The following CUL3 variants were observed in gnomAD, a reference collection of about 807,000 sequenced individuals.
CUL3 encodes cullin 3.
CUL3 carries 19 observed loss-of-function variants against 89.1 expected under a neutral mutation model. The ratio of observed to expected loss-of-function variants is 0.21; its 90% CI spans 0.15 to 0.31. The LOEUF is 0.31. Ranked by LOEUF, CUL3 falls within the 10% of genes least tolerant of loss-of-function variation. CUL3 has a pLI of 1.00. For synonymous variants in CUL3, 351 were observed against 308.4 expected, an observed-to-expected ratio of 1.14 and a Z score of -1.45; for missense variants, 469 against 942.3, an observed-to-expected ratio of 0.50 and a Z score of 6.58.
In CUL3 at chr2:224,506,071, C is replaced by T. The variant is rs760276064; in HGVS notation, c.1091G>A (p.Arg364His). Residue 364 changes from arginine (R) to histidine (H), a missense_variant, in exon 8 of 16, where the codon CGT (arginine) becomes CAT (histidine). Physicochemically the swap from Arg to His is conservative, Grantham distance 29 (BLOSUM62 0). Transcript: ENST00000264414. Reference protein sequence around the residue: ...RFLLESFNNDRLFKQTIAGDF... With the variant: ...RFLLESFNNDHLFKQTIAGDF... ...ACCCGCAATAGTTTGTTTAAAGAGA[C>T]GGTCATTGTTGAATGATTCCAGGAG... 5.0e-6 allele frequency: 8 copies of T among 1,612,496 alleles called. No homozygotes were observed. Among genetic ancestry groups the T allele is most frequent in the Admixed American group, 1.7e-5 (1 of 59,938 alleles).
At chr2:224,563,334 T>C in intron 1 of CUL3, 2 of 463,836 alleles carry the variant, frequency 4.3e-6, no homozygotes, top group Non-Finnish European at 4.4e-6. Context: ...TCTCTATGTA[T>C]TTTCATTCAT....
chr2:224,584,616 G>A (rs1457308836), intron 1 of CUL3, among the ~76,000 whole-genome samples: 1 of 151,822 alleles, frequency 6.6e-6, no homozygotes, highest in Non-Finnish European at 1.5e-5. Flanking sequence ...CCGGAGACTG[G>A]GCCTACAACC....
chr2:224,489,482 CGAGTGAACTCCCGTTCACAATTACTACA>C (rs1196900147), intron 13 of CUL3, among the ~76,000 whole-genome samples: 1 of 152,118 alleles, frequency 6.6e-6, no homozygotes, highest in Non-Finnish European at 1.5e-5. Flanking sequence ...AGCCAAATCA[CGAGTGAACTCCCGTTCACAATTACTACA>C]AAGAGAATAA....
chr2:224,511,045 AG>A (rs766885712), intron 6 of CUL3, among the ~76,000 whole-genome samples: 1 of 152,174 alleles, frequency 6.6e-6, no homozygotes, highest in Non-Finnish European at 1.5e-5. Context: ...TTTGGTATAC[AG>A]GAAGTACAGG....
chr2:224,549,354 T>C (rs1348459808), intron 2 of CUL3, among the ~76,000 whole-genome samples: 1 of 152,056 alleles, frequency 6.6e-6, no homozygotes, highest in African/African-American at 2.4e-5. Flanking sequence ...ATTGAAACAT[T>C]TTTATTCAAA....
chr2:224,544,195 C>G (rs557165150), intron 2 of CUL3, among the ~76,000 whole-genome samples: 2 of 152,210 alleles, frequency 1.3e-5, no homozygotes, highest in Non-Finnish European at 1.5e-5. Flanking sequence ...CCTTACTTAG[C>G]ACCACTGCAG....
chr2:224,514,909 G>C, intron 3 of CUL3, 137 bp from the exon 4 acceptor site: 1 of 592,960 alleles, frequency 1.7e-6, no homozygotes, highest in Non-Finnish European at 2.8e-6. Flanking sequence ...ATGATCTTAA[G>C]CAATGTGCAA....
intron 1 of CUL3, among the ~76,000 whole-genome samples, chr2:224,570,084 T>C (rs551328319): frequency 1.3e-5 from 2 of 151,964 alleles, no homozygotes; most frequent in South Asian, 2.1e-4. Context: ...CACCTCACAG[T>C]AGATAAGGTC....
At chr2:224,501,115 A>G (rs772226249) in intron 10 of CUL3, among the ~76,000 whole-genome samples, 1 of 152,204 alleles carries the variant, frequency 6.6e-6, no homozygotes. Context: ...ATAAAAGGTC[A>G]AGGAGGGTCA....
rs115009366 is a variant in CUL3, at chr2:224,538,388, A to G, written c.265-2747T>C. Among the ~76,000 whole-genome samples, 929 of 152,348 alleles carry G rather than the reference A, an allele frequency of 6.1e-3. 10 individuals carry two copies. The highest frequency in any genetic ancestry group is 0.022 in the African/African-American group (904 of 41,578). ...CTTTTAAAAAGATGGTTAAGTTGGC[A>G]CATAAACTACACATTAAGTGAAAAA... On this transcript the variant is annotated intron_variant, in intron 2 of 15. Transcript: ENST00000264414.
In CUL3 at chr2:224,472,620, T is replaced by C. The variant is rs1035756960; in HGVS notation, c.*1625A>G. ...TTTCATTGGCATCTTAATTGCATCA[T>C]GTAGAAGTGGAAAATGTAGAGATAA... On this transcript the variant is annotated 3_prime_UTR_variant, in exon 16 of 16. Coordinates refer to ENST00000264414, the MANE Select transcript of CUL3 (RefSeq NM_003590.5). 3 of 189,388 alleles carry C rather than the reference T, an allele frequency of 1.6e-5. No homozygotes were observed. Among genetic ancestry groups the C allele is most frequent in the East Asian group, 8.5e-5 (1 of 11,768 alleles). The allele number at this position is 189,388 out of a possible 1,614,324, so 11.7% of individuals were successfully genotyped here. A position where few individuals can be genotyped will look rare whatever the true frequency, so the allele number is the denominator to read the frequency against.
At position 224,471,321 on chromosome 2, in the gene CUL3, CTAGT is replaced by C. The variant is rs1691122152; in HGVS notation, c.*2920_*2923del. On this transcript the variant is annotated 3_prime_UTR_variant, in exon 16 of 16. Coordinates refer to ENST00000264414, the MANE Select transcript of CUL3 (RefSeq NM_003590.5). ...CAGGCAAAGATAAAAATCTTTAACA[CTAGT>C]TACTGAAAATGAGTATCTTAAACTG... The C allele has an allele frequency of 4.9e-6, 1 of 203,396 alleles. No homozygotes were observed. The highest frequency in any genetic ancestry group is 1.0e-5 in the Non-Finnish European group (1 of 99,152). 12.6% of individuals were successfully genotyped at this position (203,396 alleles called of 1,614,324 possible).
chr2:224,546,544 T>C (rs1694308357), intron 2 of CUL3, among the ~76,000 whole-genome samples: 1 of 152,060 alleles, frequency 6.6e-6, no homozygotes, highest in South Asian at 2.1e-4. Context: ...AAGATTCATT[T>C]CAACAGACAA....
Position 224,513,643 on chromosome 2 carries a change from C to G in CUL3, c.540-5G>C, listed in dbSNP as rs747752633. The G allele has an allele frequency of 2.6e-6, 4 of 1,550,106 alleles. No individual in the cohort carries two copies. The highest frequency in any genetic ancestry group is 3.5e-6 in the Non-Finnish European group (4 of 1,151,470). Reference sequence around the variant, plus strand: ...CAAGCATTTCTTATTGCGCCTCTGTCGAAAAAAGTTATTATCACTTGATAA... The same window carrying G: ...CAAGCATTTCTTATTGCGCCTCTGTGGAAAAAAGTTATTATCACTTGATAA... On this transcript the variant is annotated splice_polypyrimidine_tract_variant and splice_region_variant and intron_variant, in intron 4 of 15. Coordinates refer to ENST00000264414, the MANE Select transcript of CUL3 (RefSeq NM_003590.5).
rs1233081917 is a variant in CUL3, at chr2:224,495,755, T to C, written c.1842+77A>G. Reference sequence around the variant, plus strand: ...ACCCAAAGAGACTCTCTAAAGGTTATTCAAATAAGAAAGACTCAAGTAACA... The same window carrying C: ...ACCCAAAGAGACTCTCTAAAGGTTACTCAAATAAGAAAGACTCAAGTAACA... On this transcript the variant is annotated intron_variant, in intron 13 of 15. Transcript: ENST00000264414. 4.7e-6 allele frequency: 6 copies of C among 1,272,510 alleles called. No homozygotes were observed. The East Asian group carries it at 1.4e-4, about 30-fold the overall frequency. The allele number at this position is 1,272,510 out of a possible 1,614,324, so 78.8% of individuals were successfully genotyped here. A position where few individuals can be genotyped will look rare whatever the true frequency, so the allele number is the denominator to read the frequency against.
At position 224,493,112 on chromosome 2, in the gene CUL3, C is replaced by T. The variant is rs534986998; in HGVS notation, c.1842+2720G>A. 3.3e-5 allele frequency among the ~76,000 whole-genome samples: 5 copies of T among 152,240 alleles called. No homozygotes were observed. The South Asian group carries it at 6.2e-4, about 19-fold the overall frequency. On this transcript the variant is annotated intron_variant, in intron 13 of 15. Transcript: ENST00000264414. The stretch of plus-strand genomic sequence containing the variant: ...CTCATGAACCCCAAGCCAGAACTAC[C>T]CAACTGAGTATCTTCTCAATCCCTA...
At chr2:224,517,968 T>C (rs1693128268) in intron 3 of CUL3, among the ~76,000 whole-genome samples, 1 of 152,146 alleles carries the variant, frequency 6.6e-6, no homozygotes. Context: ...ATATTAATTA[T>C]ATATTAATAA....
intron 3 of CUL3, among the ~76,000 whole-genome samples, chr2:224,530,096 G>A (rs6720511): frequency 0.2 from 30,757 of 151,912 alleles, 3,392 homozygotes; most frequent in African/African-American, 0.24. Flanking sequence ...AAAATTAGCC[G>A]GGCGTGGTGG....
chr2:224,582,033 C>T (rs1031606634), intron 1 of CUL3, among the ~76,000 whole-genome samples: 11 of 151,870 alleles, frequency 7.2e-5, no homozygotes, highest in Admixed American at 2.6e-4. Flanking sequence ...GGCGCGATCT[C>T]AGCTCACTGC....
Sources: allele counts gnomAD v4.1 joint callset (sites outside exome capture counted in the v4.1 genomes callset), GRCh38; gene constraint gnomAD v4.1.1; transcripts MANE v1.5; gene names NCBI Gene and HGNC (gene_info 2026-07-23, HGNC 2026-07-21).